Variants in IMMP2L observed in about 807,000 individuals in gnomAD.
The protein encoded by IMMP2L is mitochondrial inner membrane protease subunit 2.
IMMP2L carries 18 observed loss-of-function variants against 19.3 expected under a neutral mutation model. The observed-to-expected ratio is 0.93, with a 90% confidence interval of 0.64 to 1.38. The LOEUF is 1.38. Ranked by LOEUF, IMMP2L falls within the 40% of genes most tolerant of loss-of-function variation. IMMP2L has a pLI of 0.00. For missense variants in IMMP2L, 233 were observed against 218.2 expected, an observed-to-expected ratio of 1.07 and a Z score of -0.43; for synonymous variants, 76 against 73.0, an observed-to-expected ratio of 1.04 and a Z score of -0.21.
At chr7:111,045,643 C>T (rs926371184) in intron 3 of IMMP2L, among the ~76,000 whole-genome samples, 2 of 152,112 alleles carry the variant, frequency 1.3e-5, no homozygotes, top group African/African-American at 2.4e-5. Context: ...CAATATAAGA[C>T]TCTATGAACC....
intron 3 of IMMP2L, among the ~76,000 whole-genome samples, chr7:111,016,542 TAATA>T (rs1442795791): frequency 4.2e-5 from 5 of 120,422 alleles, no homozygotes; most frequent in African/African-American, 1.6e-4. Flanking sequence ...TTATATATTA[TAATA>T]TATAGTATAT....
chr7:110,912,762 G>C (rs1813196735), intron 4 of IMMP2L, among the ~76,000 whole-genome samples: 1 of 151,980 alleles, frequency 6.6e-6, no homozygotes, highest in African/African-American at 2.4e-5. Context: ...GTTGCTACTT[G>C]CTCCTAAGTT....
At chr7:111,320,693 A>T (rs1049004666) in intron 3 of IMMP2L, among the ~76,000 whole-genome samples, 2 of 152,036 alleles carry the variant, frequency 1.3e-5, no homozygotes, top group Admixed American at 6.6e-5. Flanking sequence ...ACTAGGCACC[A>T]CCATTCCTCA....
intron 3 of IMMP2L, among the ~76,000 whole-genome samples, chr7:111,278,754 C>T (rs1370112234): frequency 6.6e-6 from 1 of 152,108 alleles, no homozygotes; most frequent in Non-Finnish European, 1.5e-5. Flanking sequence ...ATTGTTCTTG[C>T]TCTACCTTCC....
chr7:111,459,951 G>T (rs1839996299), intron 3 of IMMP2L, among the ~76,000 whole-genome samples: 1 of 152,110 alleles, frequency 6.6e-6, no homozygotes. Context: ...GAAAATCAGA[G>T]AATTTGAATA....
intron 4 of IMMP2L, among the ~76,000 whole-genome samples, chr7:110,908,618 A>G (rs542611390): frequency 1.3e-5 from 2 of 152,368 alleles, no homozygotes; most frequent in South Asian, 2.1e-4. Flanking sequence ...ACAAAAGACA[A>G]AAGACAAACA....
chr7:110,860,484 T>G lies in IMMP2L; in HGVS notation c.408+26109A>C, dbSNP rs535353537. The stretch of plus-strand genomic sequence containing the variant: ...TATAGAACTTAAGTATATCTTAAAT[T>G]CTATACTTTCAGGAAGCTGAAGAAA... On this transcript the variant is annotated intron_variant, in intron 5 of 5. Transcript: ENST00000405709. Among the ~76,000 whole-genome samples, 3 of 152,208 alleles carry G rather than the reference T, an allele frequency of 2.0e-5. No individual in the cohort carries two copies. The East Asian group carries it at 5.8e-4, about 30-fold the overall frequency.
chr7:110,825,326 G>T (rs1390595196), intron 5 of IMMP2L, among the ~76,000 whole-genome samples: 2 of 151,978 alleles, frequency 1.3e-5, no homozygotes, highest in African/African-American at 4.8e-5. Context: ...CACAGAATTG[G>T]AAAAAACTAC....
intron 4 of IMMP2L, among the ~76,000 whole-genome samples, chr7:110,919,283 C>T (rs548221571): frequency 6.6e-6 from 1 of 152,190 alleles, no homozygotes; most frequent in African/African-American, 2.4e-5. Context: ...TAATATGACT[C>T]ACCAAATTAA....
intron 1 of IMMP2L, among the ~76,000 whole-genome samples, chr7:111,547,194 T>G: frequency 6.6e-6 from 1 of 152,190 alleles, no homozygotes; most frequent in East Asian, 1.9e-4. Flanking sequence ...GATTCAAATA[T>G]CAAATATACT....
intron 3 of IMMP2L, among the ~76,000 whole-genome samples, chr7:111,390,084 A>C (rs1472947458): frequency 6.6e-6 from 1 of 152,160 alleles, no homozygotes; most frequent in Non-Finnish European, 1.5e-5. Context: ...TCCCCCTTCA[A>C]AGAAGCACTC....
chr7:110,843,252 G>A (rs1805290886), intron 5 of IMMP2L, among the ~76,000 whole-genome samples: 2 of 152,096 alleles, frequency 1.3e-5, no homozygotes, highest in South Asian at 4.1e-4. Context: ...TCCAAAAATG[G>A]TAAGCAAATA....
chr7:110,791,094 A>C (rs1381638714), intron 5 of IMMP2L, among the ~76,000 whole-genome samples: 1 of 151,610 alleles, frequency 6.6e-6, no homozygotes, highest in Non-Finnish European at 1.5e-5. Context: ...GGGGGGAAAA[A>C]ATCACACTAA....
At chr7:110,984,861 G>A (rs1000990167) in intron 3 of IMMP2L, among the ~76,000 whole-genome samples, 2 of 152,062 alleles carry the variant, frequency 1.3e-5, no homozygotes, top group African/African-American at 2.4e-5. Context: ...GTAAATACGT[G>A]AGCTTTCATA....
chr7:110,927,535 T>G (rs1267501041), intron 4 of IMMP2L, among the ~76,000 whole-genome samples: 4 of 152,096 alleles, frequency 2.6e-5, no homozygotes, highest in Non-Finnish European at 4.4e-5. Context: ...AGTAGAGAGA[T>G]ATGACTGTAG....
intron 3 of IMMP2L, among the ~76,000 whole-genome samples, chr7:111,484,272 T>C (rs965267715): frequency 1.3e-5 from 2 of 152,206 alleles, no homozygotes; most frequent in Non-Finnish European, 1.5e-5. Flanking sequence ...ATCAGTGCTC[T>C]GGTTATAAAG....
intron 3 of IMMP2L, among the ~76,000 whole-genome samples, chr7:111,127,532 T>C (rs957827699): frequency 6.6e-6 from 1 of 152,170 alleles, no homozygotes; most frequent in Non-Finnish European, 1.5e-5. Flanking sequence ...ATCATGAACC[T>C]ACTGATTTGC....
chr7:111,038,096 A>T (rs1003434221), intron 3 of IMMP2L, among the ~76,000 whole-genome samples: 2 of 152,192 alleles, frequency 1.3e-5, no homozygotes, highest in African/African-American at 4.8e-5. Context: ...CCTTAATTTG[A>T]AGTTAAAATA....
At chr7:111,358,538 A>C (rs769013629) in intron 3 of IMMP2L, among the ~76,000 whole-genome samples, 1 of 152,056 alleles carries the variant, frequency 6.6e-6, no homozygotes, top group Non-Finnish European at 1.5e-5. Flanking sequence ...CAGAAACCCC[A>C]AAGTATCCAC....
Sources: gnomAD v4.1 joint callset for allele counts (sites outside exome capture counted in the v4.1 genomes callset) on GRCh38, gnomAD v4.1.1 for gene constraint, MANE v1.5 for transcripts, NCBI Gene and HGNC (gene_info 2026-07-23, HGNC 2026-07-21) for gene names.